The following ZMYM4 variants were observed in gnomAD, a reference collection of about 807,000 sequenced individuals.
ZMYM4 encodes the protein zinc finger MYM-type containing 4, also known as zinc finger MYM-type protein 4.
Under a neutral mutation model 183.2 loss-of-function variants are expected in ZMYM4, and 31 were observed. That is an observed-to-expected ratio of 0.17 (90% CI 0.13 to 0.23). ZMYM4 has a LOEUF of 0.23. ZMYM4 is among the 10% of genes least tolerant of loss of function. The pLI is 1.00. For synonymous variants in ZMYM4, 592 were observed against 631.2 expected, an observed-to-expected ratio of 0.94 and a Z score of 0.93; for missense variants, 1,273 against 1,840.3, an observed-to-expected ratio of 0.69 and a Z score of 5.64.
At chr1:35,394,217 G>A (rs1644767896) in intron 18 of ZMYM4, among the ~76,000 whole-genome samples, 3 of 119,244 alleles carry the variant, frequency 2.5e-5, no homozygotes, top group Admixed American at 2.3e-4. Context: ...CCCCTAGGCA[G>A]AATCTCTGAG....
At chr1:35,412,087 T>C (rs1639932246) in intron 26 of ZMYM4, among the ~76,000 whole-genome samples, 1 of 149,220 alleles carries the variant, frequency 6.7e-6, no homozygotes, top group Admixed American at 6.6e-5. Flanking sequence ...GAGACAGGGT[T>C]TCACCGTGGT....
chr1:35,304,416 C>T (rs1444092734), intron 1 of ZMYM4, among the ~76,000 whole-genome samples: 1 of 151,698 alleles, frequency 6.6e-6, no homozygotes, highest in African/African-American at 2.4e-5. Context: ...CCACTGAGGT[C>T]AGAGAATGTA....
intron 1 of ZMYM4, among the ~76,000 whole-genome samples, chr1:35,299,536 G>C (rs895516278): frequency 2.0e-5 from 3 of 152,184 alleles, no homozygotes; most frequent in Non-Finnish European, 4.4e-5. Flanking sequence ...CCCAATGAGA[G>C]GCTGAAGTTA....
chr1:35,331,793 A>AATAC lies in ZMYM4; in HGVS notation c.85+6392_85+6395dup, dbSNP rs530320433. 2.4e-3 allele frequency among the ~76,000 whole-genome samples: 253 copies of AATAC among 105,568 alleles called. 1 individual carries two copies. Among genetic ancestry groups the AATAC allele is most frequent in the African/African-American group, 6.4e-3 (207 of 32,162 alleles). The allele number at this position is 105,568 out of a possible 152,430, so 69.3% of individuals were successfully genotyped here. On this transcript the variant is annotated intron_variant, in intron 2 of 29. Transcript: ENST00000314607. ...AAACAGAAAAAGACTCCATCTCAAA[A>AATAC]ATACATAAATAAATAAATAAATAAA...
chr1:35,291,497 T>C (rs946512672), intron 1 of ZMYM4, among the ~76,000 whole-genome samples: 1 of 152,126 alleles, frequency 6.6e-6, no homozygotes, highest in Non-Finnish European at 1.5e-5. Context: ...CTGTGCCTTT[T>C]AGCATTTTAT....
chr1:35,415,337 A>T, intron 27 of ZMYM4, 129 bp from the exon 28 acceptor site: 2 of 1,302,570 alleles, frequency 1.5e-6, no homozygotes, highest in Non-Finnish European at 2.1e-6. Context: ...GGTTTTCTGC[A>T]TAAGGAAGAG....
chr1:35,374,019 C>CTTTTTTTTTTTT (rs397863926), intron 7 of ZMYM4, among the ~76,000 whole-genome samples: 1 of 52,782 alleles, frequency 1.9e-5, no homozygotes, highest in Non-Finnish European at 3.7e-5. Context: ...TCATGGGATT[C>CTTTTTTTTTTTT]TTTTTTTTTT....
chr1:35,416,351 C>T (rs188787104), intron 28 of ZMYM4, among the ~76,000 whole-genome samples: 1 of 152,180 alleles, frequency 6.6e-6, no homozygotes, highest in Admixed American at 6.5e-5. Context: ...TCCTGAACTT[C>T]CCAAAATCAG....
chr1:35,414,264 A>G (rs1640024772), intron 27 of ZMYM4, among the ~76,000 whole-genome samples, 181 bp downstream of exon 27: 1 of 152,240 alleles, frequency 6.6e-6, no homozygotes, highest in Non-Finnish European at 1.5e-5. Context: ...TACAAGTCAT[A>G]TAGCACATGT....
chr1:35,343,999 G>A (rs1643300141), intron 2 of ZMYM4, among the ~76,000 whole-genome samples: 1 of 151,680 alleles, frequency 6.6e-6, no homozygotes, highest in African/African-American at 2.4e-5. Flanking sequence ...GATTAATTTG[G>A]GGGAAAATTA....
At chr1:35,370,238 A>C in intron 6 of ZMYM4, 125 bp downstream of exon 6, 1 of 1,458,506 alleles carries the variant, frequency 6.9e-7, no homozygotes, top group Non-Finnish European at 9.1e-7. Context: ...TAAATTGTAT[A>C]TTGCATAATT....
At chr1:35,281,072 C>G (rs552810488) in intron 1 of ZMYM4, among the ~76,000 whole-genome samples, 2 of 152,260 alleles carry the variant, frequency 1.3e-5, no homozygotes, top group African/African-American at 4.8e-5. Context: ...AACACGAGGT[C>G]AGGAGATCGA....
chr1:35,385,872 T>C (rs1269140331), intron 10 of ZMYM4, among the ~76,000 whole-genome samples: 2 of 152,168 alleles, frequency 1.3e-5, no homozygotes. Flanking sequence ...AGTTTCAGGG[T>C]AGACTTTGAC....
At chr1:35,387,629 TA>T in intron 13 of ZMYM4, 25 bp downstream of exon 13, 1 of 1,587,002 alleles carries the variant, frequency 6.3e-7, no homozygotes, top group Non-Finnish European at 8.5e-7. Flanking sequence ...TTATCTTACC[TA>T]CTGAGCATGT....
At chr1:35,380,314 TTTTATTTA>T (rs546105626) in intron 7 of ZMYM4, among the ~76,000 whole-genome samples, 4 of 151,210 alleles carry the variant, frequency 2.6e-5, no homozygotes, top group Non-Finnish European at 4.4e-5. Context: ...TATTTATTTA[TTTTATTTA>T]TTTATTTATT....
chr1:35,302,071 A>G (rs1225024230), intron 1 of ZMYM4, among the ~76,000 whole-genome samples: 1 of 152,192 alleles, frequency 6.6e-6, no homozygotes, highest in Non-Finnish European at 1.5e-5. Context: ...AAAAGTTGAA[A>G]TCCTGTTCCA....
rs1644643922 is a variant in ZMYM4 at position 35,389,088 on chromosome 1, T to C, written c.2436+6T>C. On this transcript the variant is annotated splice_donor_region_variant and intron_variant, in intron 14 of 29. Transcript: ENST00000314607. This position sits in a 1 kb window ranked among gnomAD's most constrained non-coding sequence, Gnocchi z 4.0. ...ATACAGTTTTGTTCTATCAGGTAAA[T>C]AGAATTCACATTCCTGGGTTTTTCA... The C allele has an allele frequency of 1.9e-6, 3 of 1,605,340 alleles. No homozygotes were observed. Among genetic ancestry groups the C allele is most frequent in the Non-Finnish European group, 2.6e-6 (3 of 1,176,052 alleles).
At chr1:35,343,423 T>G (rs1356949976) in intron 2 of ZMYM4, among the ~76,000 whole-genome samples, 1 of 152,240 alleles carries the variant, frequency 6.6e-6, no homozygotes, top group Non-Finnish European at 1.5e-5. Flanking sequence ...TGAAGATTTT[T>G]TTTTTGGATT....
chr1:35,392,649 G>A lies in ZMYM4; in HGVS notation c.2731G>A (p.Ala911Thr). Residue 911 changes from alanine to threonine, a missense_variant and splice_region_variant, in exon 17 of 30, where the codon GCA becomes ACA. Transcript: ENST00000314607. Reference protein sequence around the residue: ...TVNSNSVLQGAVPTVTAKIIG... With the variant: ...TVNSNSVLQGTVPTVTAKIIG... ...TTTATGTTTTAATTTATATCAAGGT[G>A]CAGTTCCAACAGTAACAGCGAAAAT... 6.3e-7 allele frequency: 1 copy of A among 1,593,294 alleles called. No homozygotes were observed. Among genetic ancestry groups the A allele is most frequent in the Non-Finnish European group, 8.5e-7 (1 of 1,173,472 alleles).
Sources: gnomAD v4.1 joint callset for allele counts (sites outside exome capture counted in the v4.1 genomes callset) on GRCh38, gnomAD v4.1.1 for gene constraint, Gnocchi (gnomAD v3.1) non-coding constraint, MANE v1.5 for transcripts, NCBI Gene and HGNC (gene_info 2026-07-23, HGNC 2026-07-21) for gene names.